Variants in EPHA6 observed in about 807,000 individuals in gnomAD.
EPHA6 encodes ephrin type-A receptor 6.
A neutral mutation model predicts 112.0 loss-of-function variants in EPHA6; 50 were observed. The observed-to-expected ratio is 0.45, with a 90% CI of 0.36 to 0.56. EPHA6 has a LOEUF of 0.56. EPHA6 is among the 20% of genes least tolerant of loss of function. EPHA6 has a pLI of 0.00. For synonymous variants in EPHA6, 529 were observed against 490.7 expected, an observed-to-expected ratio of 1.08 and a Z score of -1.03; for missense variants, 1,280 against 1,417.4, an observed-to-expected ratio of 0.90 and a Z score of 1.56.
intron 3 of EPHA6, among the ~76,000 whole-genome samples, chr3:97,121,993 C>T (rs2048054278): frequency 1.3e-5 from 2 of 151,968 alleles, no homozygotes; most frequent in South Asian, 4.1e-4. Flanking sequence ...CCACTTGATG[C>T]TTATAGATGT....
At chr3:97,391,013 T>G (rs1459359037) in intron 5 of EPHA6, among the ~76,000 whole-genome samples, 1 of 152,134 alleles carries the variant, frequency 6.6e-6, no homozygotes, top group East Asian at 1.9e-4. Flanking sequence ...AATAGAATCA[T>G]AGCATAATGT....
intron 9 of EPHA6, among the ~76,000 whole-genome samples, chr3:97,481,684 C>T (rs78509399): frequency 0.17 from 26,334 of 150,510 alleles, 3,313 homozygotes; most frequent in African/African-American, 0.34. Flanking sequence ...GGCCCCGCCC[C>T]GCACCGCCCC....
At chr3:96,830,996 C>A (rs2034036104) in intron 1 of EPHA6, among the ~76,000 whole-genome samples, 1 of 151,588 alleles carries the variant, frequency 6.6e-6, no homozygotes, top group African/African-American at 2.4e-5. Context: ...CACACACACA[C>A]ATATATGCTT....
chr3:97,414,539 C>T (rs896392695), intron 6 of EPHA6, among the ~76,000 whole-genome samples: 2 of 151,904 alleles, frequency 1.3e-5, no homozygotes, highest in African/African-American at 4.8e-5. Flanking sequence ...GCATAGTAAC[C>T]GATGTATAGT....
intron 5 of EPHA6, among the ~76,000 whole-genome samples, chr3:97,385,029 C>T (rs1000726086): frequency 6.6e-6 from 1 of 152,098 alleles, no homozygotes; most frequent in African/African-American, 2.4e-5. Flanking sequence ...TTTAAAGCTA[C>T]CAGACTAAGT....
intron 11 of EPHA6, among the ~76,000 whole-genome samples, chr3:97,572,010 C>T (rs1235737885): frequency 2.6e-5 from 4 of 152,132 alleles, no homozygotes; most frequent in Non-Finnish European, 5.9e-5. Context: ...TTTTTTCCCT[C>T]AGTCAGCATT....
intron 5 of EPHA6, among the ~76,000 whole-genome samples, chr3:97,345,962 GA>G (rs2083511431): frequency 6.6e-6 from 1 of 151,946 alleles, no homozygotes; most frequent in African/African-American, 2.4e-5. Flanking sequence ...AGACTATCTT[GA>G]AAAAATTGTC....
At chr3:97,699,513 C>T (rs536906505) in intron 14 of EPHA6, among the ~76,000 whole-genome samples, 85 of 152,272 alleles carry the variant, frequency 5.6e-4, no homozygotes, top group African/African-American at 1.8e-3. Context: ...CTAAAAACCT[C>T]AGAGCCCATA....
chr3:97,363,008 G>A (rs2084460333), intron 5 of EPHA6, among the ~76,000 whole-genome samples: 1 of 149,688 alleles, frequency 6.7e-6, no homozygotes, highest in Non-Finnish European at 1.5e-5. Context: ...TACTTTGCAG[G>A]TTTTGCTTTT....
Position 97,468,713 on chromosome 3 carries a change from T to C in EPHA6, c.1895-6639T>C, listed in dbSNP as rs537223856. Among the ~76,000 whole-genome samples, 42 of 151,888 alleles carry C rather than the reference T, an allele frequency of 2.8e-4. No individual in the cohort carries two copies. The South Asian group carries it at 8.3e-3, about 30-fold the overall frequency. ...AAATTACAACGTGTTTAAGCATTAC[T>C]GTTGACACACAAATCAAGTAAGAAA... On this transcript the variant is annotated intron_variant, in intron 7 of 17. Transcript: ENST00000389672.
At chr3:97,609,945 TA>T (rs2093705825) in intron 12 of EPHA6, among the ~76,000 whole-genome samples, 1 of 151,564 alleles carries the variant, frequency 6.6e-6, no homozygotes, top group Non-Finnish European at 1.5e-5. Context: ...GTTTATCTTT[TA>T]AACTTGGGCA....
intron 4 of EPHA6, among the ~76,000 whole-genome samples, chr3:97,238,343 T>C (rs9826971): frequency 0.02 from 3,065 of 152,066 alleles, 96 homozygotes; most frequent in African/African-American, 0.069. Context: ...TAAAAAATTA[T>C]AACCTTGAAT....
intron 3 of EPHA6, among the ~76,000 whole-genome samples, chr3:97,206,988 G>A (rs1395913807): frequency 1.3e-5 from 2 of 151,974 alleles, no homozygotes; most frequent in African/African-American, 4.8e-5. Flanking sequence ...AAACATGAGA[G>A]CTAAATATAT....
At chr3:97,390,616 A>C (rs2086345578) in intron 5 of EPHA6, among the ~76,000 whole-genome samples, 1 of 151,938 alleles carries the variant, frequency 6.6e-6, no homozygotes, top group Admixed American at 6.6e-5. Flanking sequence ...AAACACAAAA[A>C]TGCACATTTT....
intron 3 of EPHA6, among the ~76,000 whole-genome samples, chr3:97,000,371 A>T (rs752094751): frequency 1.3e-5 from 2 of 150,504 alleles, no homozygotes; most frequent in Admixed American, 1.3e-4. Flanking sequence ...TATATATTTT[A>T]TATATATATA....
chr3:97,024,541 A>C (rs565955908), intron 3 of EPHA6, among the ~76,000 whole-genome samples: 6 of 152,348 alleles, frequency 3.9e-5, no homozygotes, highest in Admixed American at 3.3e-4. Context: ...AAAGGAACAG[A>C]GAGCTATTTG....
intron 3 of EPHA6, among the ~76,000 whole-genome samples, chr3:97,044,584 C>T (rs1411114808): frequency 6.6e-6 from 1 of 151,674 alleles, no homozygotes; most frequent in Admixed American, 6.6e-5. Context: ...CCTGGCCTAA[C>T]ATAAAGATAC....
At chr3:97,661,305 GTC>G (rs34294486) in intron 14 of EPHA6, among the ~76,000 whole-genome samples, 36,791 of 151,984 alleles carry the variant, frequency 0.24, 4,824 homozygotes, top group East Asian at 0.4. Context: ...ACTTGGAGTT[GTC>G]TCAAGTCCCT....
chr3:96,898,164 C>A (rs182712700), intron 2 of EPHA6, among the ~76,000 whole-genome samples: 1 of 152,108 alleles, frequency 6.6e-6, no homozygotes, highest in Non-Finnish European at 1.5e-5. Context: ...GAAAGTTAAC[C>A]CTTAACTGAG....
Sources: gnomAD v4.1 joint callset for allele counts (sites outside exome capture counted in the v4.1 genomes callset) on GRCh38, gnomAD v4.1.1 for gene constraint, MANE v1.5 for transcripts, NCBI Gene and HGNC (gene_info 2026-07-23, HGNC 2026-07-21) for gene names.